Variants in FANCM observed in about 807,000 individuals in gnomAD.
The protein encoded by FANCM is Fanconi anemia group M protein.
FANCM carries 140 observed loss-of-function variants against 199.5 expected under a neutral mutation model. The ratio of observed to expected loss-of-function variants is 0.70; its 90% CI spans 0.61 to 0.81. The LOEUF (loss-of-function observed/expected upper bound fraction) is 0.81. FANCM is among the 30% of genes least tolerant of loss of function. The probability of loss-of-function intolerance (pLI) is 0.00; values close to 1 mark genes in which losing one functional copy is unlikely to be tolerated. For synonymous variants in FANCM, 840 were observed against 836.8 expected, an observed-to-expected ratio of 1.00 and a Z score of -0.07; for missense variants, 2,410 against 2,421.4, an observed-to-expected ratio of 1.00 and a Z score of 0.10.
chr14:45,175,269 A>C lies in FANCM; in HGVS notation c.2515A>C (p.Ile839Leu). The C allele has an allele frequency of 6.2e-7, 1 of 1,602,114 alleles. No homozygotes were observed. The highest frequency in any genetic ancestry group is 8.5e-7 in the Non-Finnish European group (1 of 1,175,548). The change falls in exon 14 of 23, where the codon ATT becomes CTT. Residue 839 changes from isoleucine (I) to leucine (L), a missense_variant. Coordinates refer to ENST00000267430, the MANE Select transcript of FANCM (RefSeq NM_020937.4). ...AGAATCTGATGAAGAATGTGCTGAA[A>C]TTGTTAAACAAACTCATATCAAACC... The part of the protein sequence containing the change: ...VIESDEECAE[I>L]VKQTHIKPTK...
chr14:45,138,966 T>TA (rs1885722405), intron 2 of FANCM, among the ~76,000 whole-genome samples: 1 of 152,230 alleles, frequency 6.6e-6, no homozygotes, highest in South Asian at 2.1e-4. Flanking sequence ...GGCATATTGA[T>TA]ACATGTGCCA....
At chr14:45,195,096 A>G (rs1360618100) in intron 20 of FANCM, among the ~76,000 whole-genome samples, 1 of 152,084 alleles carries the variant, frequency 6.6e-6, no homozygotes, top group Non-Finnish European at 1.5e-5. Flanking sequence ...TTTCTCCAGA[A>G]CCTCATTAAC....
intron 16 of FANCM, 70 bp from the exon 17 acceptor site, chr14:45,183,704 A>C: frequency 3.8e-6 from 4 of 1,059,954 alleles, no homozygotes; most frequent in Non-Finnish European, 5.8e-6. Flanking sequence ...TCTGAGTTGT[A>C]AGAGCAATTT....
chr14:45,187,962 A>G, intron 19 of FANCM, 75 bp downstream of exon 19: 7 of 798,554 alleles, frequency 8.8e-6, no homozygotes, highest in Non-Finnish European at 1.3e-5. Flanking sequence ...TGAAGCCTCC[A>G]TTTTGTTTCT....
chr14:45,159,668 A>T (rs974540593), intron 9 of FANCM, among the ~76,000 whole-genome samples: 7 of 152,194 alleles, frequency 4.6e-5, no homozygotes, highest in African/African-American at 1.7e-4. Flanking sequence ...AATGTTTATT[A>T]AGTCGCTTTA....
rs1373303728 is a variant in FANCM, at chr14:45,185,268, G to T, written c.4567G>T (p.Ala1523Ser). The T allele has an allele frequency of 6.2e-7, 1 of 1,604,012 alleles. No individual in the cohort carries two copies. Among genetic ancestry groups the T allele is most frequent in the Non-Finnish European group, 8.5e-7 (1 of 1,171,958 alleles). Residue 1523 changes from alanine to serine, a missense_variant, in exon 18 of 23, where the codon GCA becomes TCA. Physicochemically the swap from Ala to Ser is moderately conservative, Grantham distance 99. Transcript: ENST00000267430. Reference protein sequence around the residue: ...DDEAELSEEDAEYVSSDENDE... With the variant: ...DDEAELSEEDSEYVSSDENDE... ...TGAAGCAGAACTTTCTGAAGAAGATGCAGAATATGTTTCATCAGATGAAAA... is the reference window on the plus strand; with the variant it reads ...TGAAGCAGAACTTTCTGAAGAAGATTCAGAATATGTTTCATCAGATGAAAA...
chr14:45,200,388 C>T lies in FANCM; in HGVS notation c.*380C>T, dbSNP rs1195155722. 6.3e-6 allele frequency: 1 copy of T among 157,560 alleles called. No individual in the cohort carries two copies. The highest frequency in any genetic ancestry group is 1.4e-5 in the Non-Finnish European group (1 of 72,700). 9.8% of individuals were successfully genotyped at this position (157,560 alleles called of 1,614,324 possible). ...TGACTACAGCCAACTTGTCGATTTTCCCTATGTGTAGATAGTATACTTTTA... is the reference window on the plus strand; with the variant it reads ...TGACTACAGCCAACTTGTCGATTTTTCCTATGTGTAGATAGTATACTTTTA... On this transcript the variant is annotated 3_prime_UTR_variant, in exon 23 of 23. Transcript: ENST00000267430.
rs1348903394 is a variant in FANCM at position 45,136,252 on chromosome 14, G to A, written c.221G>A (p.Gly74Glu). The change falls in exon 1 of 23, where the codon GGG becomes GAG. Residue 74 changes from glycine (G) to glutamate (E), a missense_variant. Transcript: ENST00000267430. ...CGGCAGTTGTGTCTAGAGAATGGCG[G>A]GTTCTGCACCTCCGCGGGCGCCCTG... ...AERQLCLENGGFCTSAGALWI... is the reference protein window; with the variant it reads ...AERQLCLENGEFCTSAGALWI... The A allele has an allele frequency of 3.1e-6, 5 of 1,614,146 alleles. No individual in the cohort carries two copies. Among genetic ancestry groups the A allele is most frequent in the Non-Finnish European group, 4.2e-6 (5 of 1,180,030 alleles).
intron 10 of FANCM, 96 bp from the exon 11 acceptor site, chr14:45,166,854 A>C (rs1888013013): frequency 2.7e-6 from 2 of 752,408 alleles, no homozygotes; most frequent in Non-Finnish European, 2.3e-6. Flanking sequence ...GTTTAATTTT[A>C]TGTTTACAAT....
At chr14:45,198,080 T>A (rs1890167412) in intron 21 of FANCM, among the ~76,000 whole-genome samples, 2 of 152,028 alleles carry the variant, frequency 1.3e-5, no homozygotes, top group South Asian at 4.1e-4. Context: ...ATTTGAAAAG[T>A]CAGGGATAAA....
rs148465949 is a variant in FANCM at position 45,140,463 on chromosome 14, T to C, written c.682-169T>C. ...TCTTGATCAGCATAGAGAATAAACCTAAATCATTTGCTCTTCAGATAATAT... is the reference window on the plus strand; with the variant it reads ...TCTTGATCAGCATAGAGAATAAACCCAAATCATTTGCTCTTCAGATAATAT... On this transcript the variant is annotated intron_variant, in intron 2 of 22. Coordinates refer to ENST00000267430, the MANE Select transcript of FANCM (RefSeq NM_020937.4). Among the ~76,000 whole-genome samples the C allele has an allele frequency of 1.1e-3, 175 of 152,352 alleles. 1 individual carries two copies. Among genetic ancestry groups the C allele is most frequent in the Non-Finnish European group, 2.1e-3 (141 of 68,034 alleles).
chr14:45,137,311 C>A, intron 2 of FANCM, 70 bp downstream of exon 2: 5 of 1,226,060 alleles, frequency 4.1e-6, no homozygotes, highest in Non-Finnish European at 4.8e-6. Context: ...CGAATAGTTA[C>A]TAGTGATGGA....
intron 10 of FANCM, among the ~76,000 whole-genome samples, chr14:45,165,300 G>A (rs540591389): frequency 6.6e-6 from 1 of 152,294 alleles, no homozygotes; most frequent in African/African-American, 2.4e-5. Flanking sequence ...GCTCACGCCT[G>A]TAATCCCAGT....
intron 20 of FANCM, among the ~76,000 whole-genome samples, chr14:45,193,913 T>G (rs1889913311): frequency 1.3e-5 from 2 of 152,208 alleles, no homozygotes; most frequent in South Asian, 4.1e-4. Flanking sequence ...ATTGTCATCT[T>G]AATAATGTTA....
Position 45,200,084 on chromosome 14 carries a change from G to A in FANCM, c.*76G>A. 1 of 860,508 alleles carries A rather than the reference G, an allele frequency of 1.2e-6. No homozygotes were observed. Among genetic ancestry groups the A allele is most frequent in the Admixed American group, 2.3e-5 (1 of 43,924 alleles). 53.3% of individuals were successfully genotyped at this position (860,508 alleles called of 1,614,324 possible). On this transcript the variant is annotated 3_prime_UTR_variant, in exon 23 of 23. Transcript: ENST00000267430. ...ACTTCAATAATCATTGCTGTTTTATGTTTATTTGTAAATAAGAGAATATTT... is the reference window on the plus strand; with the variant it reads ...ACTTCAATAATCATTGCTGTTTTATATTTATTTGTAAATAAGAGAATATTT...
chr14:45,143,325 C>T (rs931570868), intron 3 of FANCM, among the ~76,000 whole-genome samples: 17 of 151,968 alleles, frequency 1.1e-4, no homozygotes, highest in Admixed American at 6.6e-4. Context: ...TGCCACCACA[C>T]CCAGCAAATT....
chr14:45,175,930 A>T lies in FANCM; in HGVS notation c.3176A>T (p.Tyr1059Phe), dbSNP rs1888656410. 2 of 1,612,702 alleles carry T rather than the reference A, an allele frequency of 1.2e-6. No individual in the cohort carries two copies. The highest frequency in any genetic ancestry group is 1.7e-6 in the Non-Finnish European group (2 of 1,179,004). ...TTGAATTCACTTAAATGTATAAATTATCCATCTGAAAAAAGTTGCCTTTAT... is the reference window on the plus strand; with the variant it reads ...TTGAATTCACTTAAATGTATAAATTTTCCATCTGAAAAAAGTTGCCTTTAT... ...LELNSLKCIN[Y>F]PSEKSCLYDI... Residue 1059 changes from tyrosine (Y) to phenylalanine (F), a missense_variant, in exon 14 of 23, where the codon TAT (tyrosine) becomes TTT (phenylalanine). Physicochemically the swap from Tyr to Phe is conservative, Grantham distance 22. Transcript: ENST00000267430.
Position 45,154,015 on chromosome 14 carries a change from A to G in FANCM, c.1146A>G (p.Leu382=), listed in dbSNP as rs758870757. 8 of 1,575,130 alleles carry G rather than the reference A, an allele frequency of 5.1e-6. No homozygotes were observed. In the Admixed American group the frequency reaches 8.3e-5, roughly 16 times the overall value. The change falls in exon 6 of 23, where the codon TTA becomes TTG. Residue 382 remains leucine (L), a synonymous_variant. Coordinates refer to ENST00000267430, the MANE Select transcript of FANCM (RefSeq NM_020937.4). ...TGCAGCAAATGGGAATGAGATCATT[A>G]TATTTCTTCCTTTGTGGAATTATGG... The part of the protein sequence containing the change: ...ELLQQMGMRS[L]YFFLCGIMDG...
At chr14:45,172,589 C>T (rs1044438118) in intron 12 of FANCM, among the ~76,000 whole-genome samples, 15 of 152,148 alleles carry the variant, frequency 9.9e-5, no homozygotes, top group African/African-American at 3.4e-4. Flanking sequence ...CATAAGCATC[C>T]TTGTAAACCA....
Sources: gnomAD v4.1 joint callset for allele counts (sites outside exome capture counted in the v4.1 genomes callset) on GRCh38, gnomAD v4.1.1 for gene constraint, MANE v1.5 for transcripts, NCBI Gene and HGNC (gene_info 2026-07-23, HGNC 2026-07-21) for gene names.